The following MAP6 variants were observed in gnomAD, a reference collection of about 807,000 sequenced individuals.
The protein encoded by MAP6 is microtubule associated protein 6, also known as microtubule-associated protein 6.
Under a neutral mutation model 42.4 loss-of-function variants are expected in MAP6, and 26 were observed. The observed-to-expected ratio is 0.61, with a 90% CI of 0.45 to 0.85. The LOEUF is 0.85. Among genes scored for constraint, MAP6 ranks in the 40% least tolerant of loss-of-function variants. MAP6 has a pLI of 0.00. For missense variants in MAP6, 966 were observed against 1,099.0 expected (o/e 0.88, Z 1.71); for synonymous variants, 418 against 443.8 (o/e 0.94, Z 0.73).
chr11:75,645,156 G>T (rs556135278), intron 1 of MAP6, among the ~76,000 whole-genome samples: 107 of 152,264 alleles, frequency 7.0e-4, no homozygotes, highest in Non-Finnish European at 3.2e-4. Flanking sequence ...CACTGCTGCC[G>T]AGAGGACACT....
At chr11:75,636,160 A>C (rs2135644156) in intron 1 of MAP6, 1 of 152,350 alleles carries the variant, frequency 6.6e-6, no homozygotes, top group Non-Finnish European at 1.5e-5. Context: ...ACATGAGAGA[A>C]ACTCTAAGAT....
intron 1 of MAP6, among the ~76,000 whole-genome samples, chr11:75,664,739 T>C (rs1411339650): frequency 6.6e-6 from 1 of 152,188 alleles, no homozygotes; most frequent in Non-Finnish European, 1.5e-5. Context: ...TGTGAGACAA[T>C]AGGGAAGGAA....
rs576714488 is a variant in MAP6 at position 75,627,474 on chromosome 11, A to G, written c.906-19152T>C. On this transcript the variant is annotated intron_variant, in intron 1 of 3. Coordinates refer to ENST00000304771, the MANE Select transcript of MAP6 (RefSeq NM_033063.2). ...TGCTTGCACGTACGTCCATGTCTGT[A>G]TGTGTCTTTGTGTGTGTGTGCTCTG... is the stretch of plus-strand genomic sequence containing the variant. Among the ~76,000 whole-genome samples, 3 of 152,308 alleles carry G rather than the reference A, an allele frequency of 2.0e-5. No homozygotes were observed. The East Asian group carries it at 5.8e-4, about 29-fold the overall frequency.
At chr11:75,616,089 C>T (rs1942990046) in intron 1 of MAP6, among the ~76,000 whole-genome samples, 1 of 152,130 alleles carries the variant, frequency 6.6e-6, no homozygotes, top group Non-Finnish European at 1.5e-5. Flanking sequence ...ATATAAGGAA[C>T]AAGTTTTACT....
chr11:75,596,214 C>T (rs1176977624), intron 3 of MAP6: 1 of 152,234 alleles, frequency 6.6e-6, no homozygotes, highest in Non-Finnish European at 1.5e-5. Flanking sequence ...GAAGCGAAAA[C>T]GCGGTGCAGA....
chr11:75,659,922 G>A (rs1943814113), intron 1 of MAP6, among the ~76,000 whole-genome samples: 1 of 152,196 alleles, frequency 6.6e-6, no homozygotes, highest in African/African-American at 2.4e-5. Flanking sequence ...GAGCAACAAA[G>A]AATTAATCGT....
intron 1 of MAP6, among the ~76,000 whole-genome samples, chr11:75,617,597 A>G (rs1943022084): frequency 6.6e-6 from 1 of 151,630 alleles, no homozygotes. Flanking sequence ...TTTCAATTGC[A>G]GTATTTATTA....
rs765685115 is a variant in MAP6, at chr11:75,608,249, C to T, written c.979G>A (p.Asp327Asn). ...CTGGTCTCATGAACCATCTTATCAT[C>T]TGGGGGCTTGTACTGGGGCTTGGCC... ...IKAKPQYKPP[D>N]DKMVHETSYS... Residue 327 changes from aspartate to asparagine, a missense_variant, in exon 2 of 4, where the codon GAT becomes AAT. Around this residue, in one of 2 missense-constraint regions of MAP6, gnomAD observed 943 missense variants for 1,049.9 expected, o/e 0.90. Transcript: ENST00000304771. 8 of 1,614,140 alleles carry T rather than the reference C, an allele frequency of 5.0e-6. No homozygotes were observed. Among genetic ancestry groups the T allele is most frequent in the South Asian group, 1.1e-5 (1 of 91,092 alleles).
intron 3 of MAP6, chr11:75,605,447 C>A: frequency 9.8e-7 from 1 of 1,024,990 alleles, no homozygotes; most frequent in African/African-American, 1.7e-5. Flanking sequence ...TCTTGGGGAT[C>A]TGGGAGGAGG....
At chr11:75,605,435 G>C in intron 3 of MAP6, 1 of 1,016,526 alleles carries the variant, frequency 9.8e-7, no homozygotes. Context: ...CAGTGACACA[G>C]ATCTTGGGGA....
chr11:75,589,289 T>C (rs1565251163), intron 3 of MAP6, among the ~76,000 whole-genome samples: 1 of 152,182 alleles, frequency 6.6e-6, no homozygotes, highest in Non-Finnish European at 1.5e-5. Context: ...GGAGAGCGTG[T>C]GACAACACTA....
At chr11:75,658,547 A>T (rs939547598) in intron 1 of MAP6, among the ~76,000 whole-genome samples, 3 of 152,134 alleles carry the variant, frequency 2.0e-5, no homozygotes, top group Non-Finnish European at 2.9e-5. Flanking sequence ...AGCATCTCTC[A>T]CCTAGACTGT....
At chr11:75,609,911 A>G (rs188471915) in intron 1 of MAP6, among the ~76,000 whole-genome samples, 7 of 152,338 alleles carry the variant, frequency 4.6e-5, no homozygotes, top group Non-Finnish European at 8.8e-5. Context: ...TGGGGCCTGT[A>G]AAAGGTGACT....
intron 1 of MAP6, among the ~76,000 whole-genome samples, chr11:75,619,487 C>T (rs1943069611): frequency 1.3e-5 from 2 of 152,190 alleles, no homozygotes; most frequent in South Asian, 4.1e-4. Flanking sequence ...GGTTATTTTT[C>T]CTGATCCTCT....
intron 3 of MAP6, 32 bp from the exon 4 acceptor site, chr11:75,588,216 A>G (rs544610662): frequency 6.3e-7 from 1 of 1,585,210 alleles, no homozygotes; most frequent in East Asian, 2.2e-5. Context: ...TCACTGTGAG[A>G]GTAGAGCTCA....
chr11:75,601,528 C>A (rs1252448502), intron 3 of MAP6, among the ~76,000 whole-genome samples: 1 of 152,092 alleles, frequency 6.6e-6, no homozygotes, highest in Non-Finnish European at 1.5e-5. Context: ...ACCCCTGCCT[C>A]CCCCAAAACT....
intron 1 of MAP6, among the ~76,000 whole-genome samples, chr11:75,658,401 C>CT (rs886126233): frequency 1.9e-5 from 2 of 104,016 alleles, no homozygotes; most frequent in African/African-American, 3.7e-5. Context: ...TCTCCACCCC[C>CT]CCCGCCCCAG....
intron 1 of MAP6, among the ~76,000 whole-genome samples, chr11:75,625,818 G>A (rs1943184383): frequency 6.6e-6 from 1 of 152,172 alleles, no homozygotes; most frequent in Non-Finnish European, 1.5e-5. Flanking sequence ...TGCCATGGTT[G>A]AAAATAGGCT....
At chr11:75,604,961 A>T in intron 3 of MAP6, 1 of 985,370 alleles carries the variant, frequency 1.0e-6, no homozygotes, top group Non-Finnish European at 1.2e-6. Context: ...CTATCCCTAC[A>T]CCTTGAACTT....
Sources: gnomAD v4.1 joint callset for allele counts (sites outside exome capture counted in the v4.1 genomes callset) on GRCh38, gnomAD v4.1.1 for gene constraint, gnomAD v4.1.1 regional missense constraint, MANE v1.5 for transcripts, NCBI Gene and HGNC (gene_info 2026-07-23, HGNC 2026-07-21) for gene names.